The following SLC1A3 variants were observed in gnomAD, a reference collection of about 807,000 sequenced individuals.
SLC1A3 encodes solute carrier family 1 member 3.
SLC1A3 carries 21 observed loss-of-function variants against 48.1 expected under a neutral mutation model. The observed-to-expected ratio is 0.44, with a 90% confidence interval of 0.31 to 0.63. The LOEUF (loss-of-function observed/expected upper bound fraction) is 0.63, where lower values mean the gene tolerates loss of function less well. Among genes scored for constraint, SLC1A3 ranks in the 20% least tolerant of loss-of-function variants. The pLI is 0.08. For missense variants in SLC1A3, 546 were observed against 689.0 expected (o/e 0.79, Z 2.32); for synonymous variants, 239 against 251.4 (o/e 0.95, Z 0.47).
At chr5:36,631,978 G>C (rs1035651057) in intron 3 of SLC1A3, among the ~76,000 whole-genome samples, 1 of 152,210 alleles carries the variant, frequency 6.6e-6, no homozygotes, top group Non-Finnish European at 1.5e-5. Flanking sequence ...GAGTGGAAAG[G>C]CAACCTCAAA....
intron 2 of SLC1A3, among the ~76,000 whole-genome samples, 192 bp from the exon 3 acceptor site, chr5:36,629,258 C>T (rs1243195251): frequency 6.6e-6 from 1 of 152,026 alleles, no homozygotes; most frequent in Non-Finnish European, 1.5e-5. Flanking sequence ...TATTGAACCA[C>T]GGATTCAGCC....
chr5:36,641,715 A>T (rs1740623397), intron 3 of SLC1A3, among the ~76,000 whole-genome samples: 1 of 152,188 alleles, frequency 6.6e-6, no homozygotes, highest in Non-Finnish European at 1.5e-5. Flanking sequence ...GATCTGGAAG[A>T]TAGTTTTAGA....
intron 2 of SLC1A3, among the ~76,000 whole-genome samples, chr5:36,628,792 C>T (rs780138528): frequency 2.6e-5 from 4 of 152,234 alleles, no homozygotes; most frequent in Non-Finnish European, 4.4e-5. Flanking sequence ...TATTCTCCCA[C>T]GTTTTCAGGG....
chr5:36,686,352 T>A lies in SLC1A3; in HGVS notation c.*83T>A. On this transcript the variant is annotated 3_prime_UTR_variant, in exon 10 of 10. Coordinates refer to ENST00000265113, the MANE Select transcript of SLC1A3 (RefSeq NM_004172.5). ...TTCCATCTCATTACAGCTCATTCGCTCCAGCAAGCCCGTCATCTTCCCTTT... is the reference window on the plus strand; with the variant it reads ...TTCCATCTCATTACAGCTCATTCGCACCAGCAAGCCCGTCATCTTCCCTTT... 1 of 1,060,380 alleles carries A rather than the reference T, an allele frequency of 9.4e-7. No individual in the cohort carries two copies. Among genetic ancestry groups the A allele is most frequent in the Non-Finnish European group, 1.5e-6 (1 of 680,332 alleles). 65.7% of individuals were successfully genotyped at this position (1,060,380 alleles called of 1,614,324 possible).
chr5:36,627,246 A>C (rs1739943517), intron 2 of SLC1A3, among the ~76,000 whole-genome samples: 1 of 152,210 alleles, frequency 6.6e-6, no homozygotes, highest in Non-Finnish European at 1.5e-5. Flanking sequence ...AATAGTCAAC[A>C]TCATTAGATG....
chr5:36,671,193 G>A lies in SLC1A3; in HGVS notation c.484G>A (p.Val162Ile), dbSNP rs1442530536. ...AAACATGCACAGAGAAGGCAAAATT[G>A]TACGAGTGACAGCTGCAGATGCCTT... ...KENMHREGKI[V>I]RVTAADAFLD... Residue 162 changes from valine (V) to isoleucine (I), a missense_variant, in exon 4 of 10, where the codon GTA (valine) becomes ATA (isoleucine). Transcript: ENST00000265113. 1 of 1,613,718 alleles carries A rather than the reference G, an allele frequency of 6.2e-7. No individual in the cohort carries two copies. The highest frequency in any genetic ancestry group is 1.3e-5 in the African/African-American group (1 of 74,902).
chr5:36,677,322 T>A (rs1376520715), intron 6 of SLC1A3, 138 bp downstream of exon 6: 3 of 715,302 alleles, frequency 4.2e-6, no homozygotes, highest in South Asian at 1.8e-5. Flanking sequence ...GGAAAATCAA[T>A]GAATCTCTGG....
At chr5:36,600,792 G>A (rs754391333) in intron 1 of SLC1A3, among the ~76,000 whole-genome samples, 4 of 152,168 alleles carry the variant, frequency 2.6e-5, no homozygotes, top group Non-Finnish European at 5.9e-5. Flanking sequence ...TTTGACTCAG[G>A]AGCACAGCCC....
intron 3 of SLC1A3, among the ~76,000 whole-genome samples, chr5:36,636,684 C>T (rs1423751898): frequency 6.6e-6 from 1 of 151,048 alleles, no homozygotes; most frequent in Non-Finnish European, 1.5e-5. Context: ...GAGGTGGGGC[C>T]CTGTGAAATT....
At position 36,597,954 on chromosome 5, in the gene SLC1A3, T is replaced by C. The variant is rs538265786; in HGVS notation, c.-96+1276T>C. ...GGTCTTCCTCTGACACGTATTTCATTGCTCATGTTTTCCCTACCATAATGT... is the reference window on the plus strand; with the variant it reads ...GGTCTTCCTCTGACACGTATTTCATCGCTCATGTTTTCCCTACCATAATGT... On this transcript the variant is annotated intron_variant, in intron 1 of 9. Transcript: ENST00000680318. Among the ~76,000 whole-genome samples, 6 of 152,366 alleles carry C rather than the reference T, an allele frequency of 3.9e-5. No homozygotes were observed. In the South Asian group the frequency reaches 8.3e-4, roughly 21 times the overall value.
upstream of SLC1A3, among the ~76,000 whole-genome samples, chr5:36,606,155 G>C (rs1030535736): frequency 6.6e-6 from 1 of 152,216 alleles, no homozygotes; most frequent in East Asian, 1.9e-4. Context: ...TCTGCATTCA[G>C]TGTCTTCCCA....
intron 3 of SLC1A3, among the ~76,000 whole-genome samples, chr5:36,635,855 C>T (rs895356899): frequency 6.6e-6 from 1 of 152,114 alleles, no homozygotes; most frequent in African/African-American, 2.4e-5. Flanking sequence ...AAGCTTCAGC[C>T]CAGTTCTTCT....
intron 3 of SLC1A3, among the ~76,000 whole-genome samples, chr5:36,663,379 C>CCT (rs1741594537): frequency 2.8e-5 from 2 of 70,186 alleles, no homozygotes; most frequent in African/African-American, 5.7e-5. Context: ...CCACGCCCGG[C>CCT]ATTTTTTTTT....
chr5:36,671,939 C>T (rs1042346001), intron 4 of SLC1A3, among the ~76,000 whole-genome samples: 6 of 152,226 alleles, frequency 3.9e-5, no homozygotes, highest in Non-Finnish European at 8.8e-5. Context: ...CTCCCCTACA[C>T]ACCTGCCCTT....
intron 2 of SLC1A3, chr5:36,612,923 T>C (rs1039247482): frequency 9.0e-6 from 4 of 445,156 alleles, no homozygotes; most frequent in Admixed American, 4.9e-5. Flanking sequence ...ACGGAAGAGA[T>C]GGAAAAGAGA....
At chr5:36,672,254 A>G (rs1306950641) in intron 4 of SLC1A3, among the ~76,000 whole-genome samples, 1 of 152,174 alleles carries the variant, frequency 6.6e-6, no homozygotes, top group Admixed American at 6.5e-5. Context: ...CTGTCAGTGC[A>G]TGTCACTAGA....
intron 3 of SLC1A3, among the ~76,000 whole-genome samples, chr5:36,667,338 T>C (rs1025652482): frequency 1.3e-5 from 2 of 152,216 alleles, no homozygotes; most frequent in East Asian, 1.9e-4. Context: ...TTTTCACAAT[T>C]ATATTCCTCC....
intron 8 of SLC1A3, among the ~76,000 whole-genome samples, chr5:36,682,524 A>T (rs1742479943): frequency 6.6e-6 from 1 of 152,216 alleles, no homozygotes; most frequent in South Asian, 2.1e-4. Context: ...TTATTAAAAA[A>T]AAAAGGTGAC....
intron 3 of SLC1A3, chr5:36,669,428 C>A (rs1478910661): frequency 6.6e-6 from 1 of 152,304 alleles, no homozygotes; most frequent in East Asian, 1.9e-4. Flanking sequence ...TGCATGGCAT[C>A]AAAGCCAAAG....
Sources: gnomAD v4.1 joint callset for allele counts (sites outside exome capture counted in the v4.1 genomes callset) on GRCh38, gnomAD v4.1.1 for gene constraint, MANE v1.5 for transcripts, NCBI Gene and HGNC (gene_info 2026-07-23, HGNC 2026-07-21) for gene names.